TAPBP: variants seen among roughly 807,000 people sequenced by gnomAD.
TAPBP encodes the protein TAP binding protein.
Under a neutral mutation model 45.7 loss-of-function variants are expected in TAPBP, and 38 were observed. The observed-to-expected ratio is 0.83, with a 90% CI of 0.64 to 1.09. The LOEUF is 1.09. Among genes scored for constraint, TAPBP ranks in the 50% least tolerant of loss-of-function variants. TAPBP has a pLI of 0.00. For missense variants in TAPBP, 513 were observed against 587.3 expected (o/e 0.87, Z 1.31); for synonymous variants, 226 against 254.8 (o/e 0.89, Z 1.08).
In TAPBP at chr6:33,305,305, G is replaced by A. The variant is rs780988405; in HGVS notation, c.552C>T (p.Tyr184=). The A allele has an allele frequency of 6.4e-7, 1 of 1,570,908 alleles. No homozygotes were observed. The highest frequency in any genetic ancestry group is 1.2e-5 in the South Asian group (1 of 82,898). ...QDALLDLSFA[Y]MPPTSEAASS... ...AGGCGGCCTCGGAGGTGGGGGGCAT[G>A]TAGGCAAAGCTCAAGTCCAGCAGAG... Residue 184 remains tyrosine, a synonymous_variant, in exon 4 of 8, where the codon TAC becomes TAT. Transcript: ENST00000434618. The surrounding 1 kb of genome is among the most constrained non-coding windows in gnomAD (Gnocchi z 4.4).
chr6:33,313,388 GGA>G lies in TAPBP; in HGVS notation c.296_297del (p.Leu99ProfsTer114). The G allele has an allele frequency of 6.2e-7, 1 of 1,612,028 alleles. No homozygotes were observed. Among genetic ancestry groups the G allele is most frequent in the South Asian group, 1.1e-5 (1 of 91,026 alleles). On this transcript the variant is annotated frameshift_variant, in exon 3 of 8. Transcript: ENST00000434618. LOFTEE classifies it high-confidence loss of function. The surrounding 1 kb of genome is among the most constrained non-coding windows in gnomAD (Gnocchi z 7.2). ...PHCEMSRFVP[L>X]PASAKWASGL... ...CCGCTGGCCCATTTCGCAGAGGCGG[GGA>G]GAGGCACGAAGCGGCTCATCTCGCA...
In TAPBP at chr6:33,313,495, A is replaced by G; in HGVS notation, c.209-18T>C. On this transcript the variant is annotated intron_variant, in intron 2 of 7. Coordinates refer to ENST00000434618, the MANE Select transcript of TAPBP (RefSeq NM_003190.5). This position sits in a 1 kb window ranked among gnomAD's most constrained non-coding sequence, Gnocchi z 7.2. ...CGCGGGGTCTGAGTGTAGAGAAGGA[A>G]GTTGCAGCTGTAGAGTCACCGCCGG... The G allele has an allele frequency of 6.5e-7, 1 of 1,542,202 alleles. No homozygotes were observed. The highest frequency in any genetic ancestry group is 8.8e-7 in the Non-Finnish European group (1 of 1,142,128).
rs1752337671 is a variant in TAPBP at position 33,301,235 on chromosome 6, A to G, written c.*525T>C. 1 of 153,822 alleles carries G rather than the reference A, an allele frequency of 6.5e-6. No homozygotes were observed. The highest frequency in any genetic ancestry group is 1.4e-5 in the Non-Finnish European group (1 of 69,122). 9.5% of individuals were successfully genotyped at this position (153,822 alleles called of 1,614,324 possible). On this transcript the variant is annotated 3_prime_UTR_variant, in exon 8 of 8. Coordinates refer to ENST00000434618, the MANE Select transcript of TAPBP (RefSeq NM_003190.5). Reference sequence around the variant, plus strand: ...AAAAAATTTTGAGAACCACTGTCCTAGAGCTCCAAGAAGGTGAATGCCATA... The same window carrying G: ...AAAAAATTTTGAGAACCACTGTCCTGGAGCTCCAAGAAGGTGAATGCCATA...
chr6:33,302,973 A>G (rs569175264), intron 7 of TAPBP, among the ~76,000 whole-genome samples: 1 of 152,298 alleles, frequency 6.6e-6, no homozygotes, highest in African/African-American at 2.4e-5. Context: ...ACATGTTGCA[A>G]TAATATTTTG....
In TAPBP at chr6:33,304,401, G is replaced by A; in HGVS notation, c.1106C>T (p.Pro369Leu). Residue 369 changes from proline to leucine, a missense_variant, in exon 5 of 8, where the codon CCC becomes CTC. Pro to Leu is a moderately conservative substitution (Grantham distance 98). Transcript: ENST00000434618. ...SVSLSGHLQP[P>L]PVTTEQHGAR... ...CCCATGCTGCTCAGTGGTGACTGGGGGCGGCTGCAAGTGCCCAGAGAGGCT... is the reference window on the plus strand; with the variant it reads ...CCCATGCTGCTCAGTGGTGACTGGGAGCGGCTGCAAGTGCCCAGAGAGGCT... 1 of 1,612,774 alleles carries A rather than the reference G, an allele frequency of 6.2e-7. No homozygotes were observed. Among genetic ancestry groups the A allele is most frequent in the Non-Finnish European group, 8.5e-7 (1 of 1,179,278 alleles).
chr6:33,300,616 G>C lies in TAPBP; in HGVS notation c.*1144C>G, dbSNP rs1445915402. The stretch of plus-strand genomic sequence containing the variant: ...GCGGAGCGTGCCGTGAGCCGAGATC[G>C]TGCCACTGCACTCCAGCCTGGGCAA... On this transcript the variant is annotated 3_prime_UTR_variant, in exon 8 of 8. Transcript: ENST00000434618. The C allele has an allele frequency of 1.3e-5, 2 of 150,462 alleles. No homozygotes were observed. The highest frequency in any genetic ancestry group is 2.9e-5 in the Non-Finnish European group (2 of 67,880). The allele number at this position is 150,462 out of a possible 1,614,324, so 9.3% of individuals were successfully genotyped here.
rs1768930269 is a variant in TAPBP, at chr6:33,305,692, G to T, written c.470-305C>A. Among the ~76,000 whole-genome samples the T allele has an allele frequency of 6.6e-6, 1 of 152,130 alleles. No individual in the cohort carries two copies. The highest frequency in any genetic ancestry group is 6.6e-5 in the Admixed American group (1 of 15,266). On this transcript the variant is annotated intron_variant, in intron 3 of 7. Transcript: ENST00000434618. This position sits in a 1 kb window ranked among gnomAD's most constrained non-coding sequence, Gnocchi z 4.4. The stretch of plus-strand genomic sequence containing the variant: ...ATAGCACACTCTAGCTCGGGGGACT[G>T]CAGAATCCGAGGCCACTTCTGACAC...
At chr6:33,303,512 G>A (rs1327547428) in intron 7 of TAPBP, 4 of 522,006 alleles carry the variant, frequency 7.7e-6, no homozygotes, top group Non-Finnish European at 1.3e-5. Context: ...TGATCCCAAA[G>A]ATATTAAATA....
Position 33,313,563 on chromosome 6 carries a change from C to CA in TAPBP, c.209-87dup, listed in dbSNP as rs1191973198. The CA allele has an allele frequency of 6.6e-7, 1 of 1,514,844 alleles. No individual in the cohort carries two copies. Among genetic ancestry groups the CA allele is most frequent in the Non-Finnish European group, 8.9e-7 (1 of 1,129,088 alleles). 93.8% of individuals were successfully genotyped at this position (1,514,844 alleles called of 1,614,324 possible). A position where few individuals can be genotyped will look rare whatever the true frequency, so the allele number is the denominator to read the frequency against. On this transcript the variant is annotated intron_variant, in intron 2 of 7. Coordinates refer to ENST00000434618, the MANE Select transcript of TAPBP (RefSeq NM_003190.5). This position sits in a 1 kb window ranked among gnomAD's most constrained non-coding sequence, Gnocchi z 7.2. ...CAGCGTTCGGGGAACTTCAAATGCA[C>CA]AGACTACCCCGTAGTGAGACTCACT...
At chr6:33,301,956 G>A (rs1265562706) in intron 7 of TAPBP, among the ~76,000 whole-genome samples, 185 bp from the exon 8 acceptor site, 1 of 152,086 alleles carries the variant, frequency 6.6e-6, no homozygotes, top group Non-Finnish European at 1.5e-5. Flanking sequence ...GAGATACACT[G>A]TCTTCCTTAA....
intron 3 of TAPBP, among the ~76,000 whole-genome samples, chr6:33,307,283 G>A (rs1344918984): frequency 2.6e-5 from 4 of 151,644 alleles, no homozygotes; most frequent in Non-Finnish European, 4.4e-5. Context: ...GTGAGACTCC[G>A]TCTCAAAACT....
Position 33,300,660 on chromosome 6 carries a change from C to CAGAAAAAA in TAPBP, c.*1092_*1099dup, listed in dbSNP as rs9282488. On this transcript the variant is annotated 3_prime_UTR_variant, in exon 8 of 8. Coordinates refer to ENST00000434618, the MANE Select transcript of TAPBP (RefSeq NM_003190.5). ...TGGGCAACAGAGCGAGACTCTGTCT[C>CAGAAAAAA]AGAAAAAAAGAAAGATTATTTGCAG... 0.56 allele frequency: 76,967 copies of CAGAAAAAA among 137,070 alleles called. 20,793 individuals are homozygous for CAGAAAAAA. The highest frequency in any genetic ancestry group is 0.66 in the African/African-American group (23,103 of 35,064). The allele number at this position is 137,070 out of a possible 1,614,324, so 8.5% of individuals were successfully genotyped here.
chr6:33,302,104 T>G (rs35404844), intron 7 of TAPBP, among the ~76,000 whole-genome samples: 4,626 of 152,022 alleles, frequency 0.03, 91 homozygotes, highest in Non-Finnish European at 0.042. Context: ...GTTTGAATAC[T>G]TAAGGTGAGA....
rs779747861 is a variant in TAPBP at position 33,313,338 on chromosome 6, C to A, written c.348G>T (p.Pro116=). The change falls in exon 3 of 8, where the codon CCG becomes CCT. Residue 116 remains proline (P), a synonymous_variant. Transcript: ENST00000434618. The surrounding 1 kb of genome is among the most constrained non-coding windows in gnomAD (Gnocchi z 7.2). ...TCAGCCAAGCCCCATCCAGGGCCCG[C>A]GGGCAGTTCTGCGCGGGGGTCAGGC... ...ASGLTPAQNC[P]RALDGAWLMV... 1.9e-5 allele frequency: 31 copies of A among 1,613,396 alleles called. No individual in the cohort carries two copies. The Admixed American group carries it at 4.2e-4, about 22-fold the overall frequency.
rs367568394 is a variant in TAPBP, at chr6:33,303,244, C to T, written c.1335+711G>A. ...GACCAGCCTGACCAACATGGTGAAA[C>T]CCCGTCTCTACTAAAAATACAAAAA... On this transcript the variant is annotated intron_variant, in intron 7 of 7. Transcript: ENST00000434618. Among the ~76,000 whole-genome samples the T allele has an allele frequency of 3.1e-4, 47 of 152,078 alleles. 1 individual carries two copies. The South Asian group carries it at 5.0e-3, about 16-fold the overall frequency.
intron 7 of TAPBP, among the ~76,000 whole-genome samples, chr6:33,302,144 C>CTTTTTTTTT (rs70996762): frequency 3.4e-5 from 4 of 118,690 alleles, no homozygotes; most frequent in South Asian, 2.7e-4. Flanking sequence ...TCTTTTCTTT[C>CTTTTTTTTT]TTTTTTTTTT....
In TAPBP at chr6:33,305,431, A is replaced by G; in HGVS notation, c.470-44T>C. The G allele has an allele frequency of 1.3e-6, 2 of 1,482,934 alleles. No individual in the cohort carries two copies. 91.9% of individuals were successfully genotyped at this position (1,482,934 alleles called of 1,614,324 possible). A position where few individuals can be genotyped will look rare whatever the true frequency, so the allele number is the denominator to read the frequency against. On this transcript the variant is annotated intron_variant, in intron 3 of 7. Transcript: ENST00000434618. This position sits in a 1 kb window ranked among gnomAD's most constrained non-coding sequence, Gnocchi z 4.4. Reference sequence around the variant, plus strand: ...TGAGGGGTTGGGAGGGGCATGAGGGAGAGAAAGAAGGAGAAAAAAATAGAG... The same window carrying G: ...TGAGGGGTTGGGAGGGGCATGAGGGGGAGAAAGAAGGAGAAAAAAATAGAG...
At chr6:33,311,467 A>G (rs1472011715) in intron 3 of TAPBP, among the ~76,000 whole-genome samples, 2 of 152,062 alleles carry the variant, frequency 1.3e-5, no homozygotes, top group African/African-American at 4.8e-5. Context: ...CATCTCTACT[A>G]AAAATACAAA....
intron 3 of TAPBP, among the ~76,000 whole-genome samples, chr6:33,310,509 A>G (rs1473609378): frequency 6.9e-6 from 1 of 144,222 alleles, no homozygotes; most frequent in African/African-American, 2.6e-5. Flanking sequence ...CTGTCTCAAA[A>G]AAAAAAAAAA....
Sources: gnomAD v4.1 joint callset for allele counts (sites outside exome capture counted in the v4.1 genomes callset) on GRCh38, gnomAD v4.1.1 for gene constraint, Gnocchi (gnomAD v3.1) non-coding constraint, MANE v1.5 for transcripts, NCBI Gene and HGNC (gene_info 2026-07-23, HGNC 2026-07-21) for gene names.